DMBT1: variants seen among roughly 807,000 people sequenced by gnomAD.
DMBT1 encodes scavenger receptor cysteine-rich domain-containing protein DMBT1.
A neutral mutation model predicts 252.9 loss-of-function variants in DMBT1; 198 were observed. The observed-to-expected ratio is 0.78, with a 90% confidence interval of 0.70 to 0.88. The LOEUF is 0.88. DMBT1 is among the 40% of genes least tolerant of loss of function. DMBT1 has a pLI of 0.00. For synonymous variants in DMBT1, 990 were observed against 942.7 expected (o/e 1.05, Z -0.92); for missense variants, 2,432 against 2,404.7 (o/e 1.01, Z -0.24).
intron 2 of DMBT1, 118 bp from the exon 3 acceptor site, chr10:122,570,044 A>T (rs887221518): frequency 1.0e-6 from 1 of 954,474 alleles, no homozygotes; most frequent in Non-Finnish European, 1.7e-6. Context: ...GCTTTTAGCA[A>T]TGGAGGGTGC....
chr10:122,628,057 T>C (rs1038805165), intron 46 of DMBT1, among the ~76,000 whole-genome samples: 2 of 152,204 alleles, frequency 1.3e-5, no homozygotes, highest in African/African-American at 4.8e-5. Flanking sequence ...GGAAACCTTA[T>C]GCACGGCTGC....
intron 17 of DMBT1, 29 bp from the exon 18 acceptor site, chr10:122,590,636 C>T: frequency 6.3e-7 from 1 of 1,587,164 alleles, no homozygotes; most frequent in Non-Finnish European, 8.6e-7. Context: ...CTGTATAGTG[C>T]ATCTGATCTG....
At chr10:122,617,407 C>A in intron 40 of DMBT1, 147 bp downstream of exon 40, 1 of 1,045,280 alleles carries the variant, frequency 9.6e-7, no homozygotes, top group Non-Finnish European at 1.4e-6. Context: ...TCTAGGGAGT[C>A]AGCCCTGGGT....
At chr10:122,586,514 C>G in intron 16 of DMBT1, 131 bp downstream of exon 16, 1 of 1,388,752 alleles carries the variant, frequency 7.2e-7, no homozygotes, top group Non-Finnish European at 9.6e-7. Flanking sequence ...TTAGCTCTCT[C>G]CTAGGAAACC....
At chr10:122,619,161 G>A in intron 41 of DMBT1, 147 bp from the exon 42 acceptor site, 2 of 1,045,288 alleles carry the variant, frequency 1.9e-6, no homozygotes, top group Non-Finnish European at 1.5e-6. Flanking sequence ...CATCTCTGTG[G>A]GAATTTACAT....
Position 122,625,913 on chromosome 10 carries a change from A to G in DMBT1, c.5636-20A>G, listed in dbSNP as rs147865628. On this transcript the variant is annotated intron_variant, in intron 45 of 55. Coordinates refer to ENST00000338354, the MANE Select transcript of DMBT1 (RefSeq NM_001377530.1). ...AAAATTATCTACTAAAATCCTAAACAGCTTCATTTTTTTTTCTAGATTGGT... is the reference window on the plus strand; with the variant it reads ...AAAATTATCTACTAAAATCCTAAACGGCTTCATTTTTTTTTCTAGATTGGT... 1.9e-6 allele frequency: 3 copies of G among 1,604,700 alleles called. No individual in the cohort carries two copies. The highest frequency in any genetic ancestry group is 2.6e-6 in the Non-Finnish European group (3 of 1,171,456).
At chr10:122,565,644 C>G (rs536631901) in intron 1 of DMBT1, among the ~76,000 whole-genome samples, 12 of 152,140 alleles carry the variant, frequency 7.9e-5, no homozygotes, top group African/African-American at 2.9e-4. Flanking sequence ...GACTGGACAA[C>G]GAGCTTAAGC....
intron 52 of DMBT1, among the ~76,000 whole-genome samples, chr10:122,633,961 C>A (rs562229307): frequency 6.6e-6 from 1 of 152,094 alleles, no homozygotes; most frequent in African/African-American, 2.4e-5. Context: ...TAGGGAGACC[C>A]CCCATCTCTA....
Position 122,592,408 on chromosome 10 carries a change from C to T in DMBT1, c.2313C>T (p.Cys771=). The T allele has an allele frequency of 2.5e-6, 4 of 1,588,540 alleles. No individual in the cohort carries two copies. The highest frequency in any genetic ancestry group is 3.4e-6 in the Non-Finnish European group (4 of 1,165,858). ...SWDTNDANVV[C]RQLGCGWATS... is the part of the protein sequence containing the mutation. ...ATACCAATGATGCCAATGTGGTCTG[C>T]AGGCAGCTGGGCTGTGGCTGGGCCA... is the stretch of plus-strand genomic sequence containing the variant. The change falls in exon 20 of 56, where the codon TGC becomes TGT. Residue 771 remains cysteine, a synonymous_variant. Transcript: ENST00000338354.
At chr10:122,629,113 T>G (rs2098139155) in intron 46 of DMBT1, among the ~76,000 whole-genome samples, 1 of 152,240 alleles carries the variant, frequency 6.6e-6, no homozygotes, top group African/African-American at 2.4e-5. Flanking sequence ...TAACAATAGC[T>G]AATATTGCTG....
intron 6 of DMBT1, among the ~76,000 whole-genome samples, chr10:122,574,754 C>T (rs1485389386): frequency 6.6e-6 from 1 of 152,206 alleles, no homozygotes; most frequent in Non-Finnish European, 1.5e-5. Context: ...CTTGGTGGGA[C>T]AAGCCCTTTG....
intron 44 of DMBT1, among the ~76,000 whole-genome samples, chr10:122,623,830 A>G (rs1179049578): frequency 6.6e-6 from 1 of 152,218 alleles, no homozygotes; most frequent in Non-Finnish European, 1.5e-5. Context: ...TGCCTGGCCC[A>G]GTGTTGTGTC....
chr10:122,632,352 C>T (rs1293376167), intron 50 of DMBT1, among the ~76,000 whole-genome samples: 1 of 152,036 alleles, frequency 6.6e-6, no homozygotes, highest in Non-Finnish European at 1.5e-5. Flanking sequence ...CTCCACTGTG[C>T]AGCCCCTTCA....
At chr10:122,593,645 C>T in intron 21 of DMBT1, 47 bp downstream of exon 21, 3 of 1,555,694 alleles carry the variant, frequency 1.9e-6, no homozygotes, top group Non-Finnish European at 2.6e-6. Flanking sequence ...TCTTTCTGCC[C>T]AATCACCCCT....
intron 26 of DMBT1, among the ~76,000 whole-genome samples, chr10:122,599,461 T>C (rs1268946320): frequency 1.3e-5 from 2 of 152,210 alleles, no homozygotes; most frequent in African/African-American, 4.8e-5. Flanking sequence ...CCTCTCACTG[T>C]GAGGAACTCT....
At position 122,630,489 on chromosome 10, in the gene DMBT1, C is replaced by G; in HGVS notation, c.6024C>G (p.Ser2008Arg). ...GFLAWYNSFPSDATLRLVNLN... is the reference protein window; with the variant it reads ...GFLAWYNSFPRDATLRLVNLN... Reference sequence around the variant, plus strand: ...TGGCTTGGTATAACTCCTTCCCAAGCGGTAAGTGCACACTAGACCATGCCT... The same window carrying G: ...TGGCTTGGTATAACTCCTTCCCAAGGGGTAAGTGCACACTAGACCATGCCT... The change falls in exon 48 of 56, where the codon AGC (serine) becomes AGG (arginine). Residue 2008 changes from serine (S) to arginine (R), a missense_variant and splice_region_variant. By Grantham distance (110) the Ser-to-Arg change is moderately radical (BLOSUM62 -1). Around this residue, in one of 3 missense-constraint regions of DMBT1, gnomAD observed 1,162 missense variants for 1,169.0 expected, o/e 0.99. Coordinates refer to ENST00000338354, the MANE Select transcript of DMBT1 (RefSeq NM_001377530.1). The G allele has an allele frequency of 6.2e-7, 1 of 1,613,876 alleles. No individual in the cohort carries two copies. Among genetic ancestry groups the G allele is most frequent in the Non-Finnish European group, 8.5e-7 (1 of 1,179,828 alleles).
rs373807044 is a variant in DMBT1, at chr10:122,574,436, G to A, written c.283+674G>A. ...TCACCAAGGCCTCTGCGCTGCCCAG[G>A]GTTGGCATGCAGTTGGGAATGCTGA... On this transcript the variant is annotated intron_variant, in intron 6 of 55. Coordinates refer to ENST00000338354, the MANE Select transcript of DMBT1 (RefSeq NM_001377530.1). Among the ~76,000 whole-genome samples, 16 of 152,300 alleles carry A rather than the reference G, an allele frequency of 1.1e-4. 1 individual carries two copies. In the East Asian group the frequency reaches 2.1e-3, roughly 20 times the overall value.
intron 17 of DMBT1, 98 bp from the exon 18 acceptor site, chr10:122,590,567 G>C: frequency 1.4e-6 from 2 of 1,394,138 alleles, no homozygotes; most frequent in Non-Finnish European, 2.0e-6. Flanking sequence ...GGGACATAGG[G>C]TGGACTGAAG....
At chr10:122,589,753 G>A (rs1230852041) in intron 17 of DMBT1, among the ~76,000 whole-genome samples, 1 of 148,194 alleles carries the variant, frequency 6.7e-6, no homozygotes, top group Non-Finnish European at 1.5e-5. Context: ...AGCAAGAGAG[G>A]GCAAGAAGGA....
Sources: gnomAD v4.1 joint callset for allele counts (sites outside exome capture counted in the v4.1 genomes callset) on GRCh38, gnomAD v4.1.1 for gene constraint, gnomAD v4.1.1 regional missense constraint, MANE v1.5 for transcripts, NCBI Gene and HGNC (gene_info 2026-07-23, HGNC 2026-07-21) for gene names.